CDON: variants seen among roughly 807,000 people sequenced by gnomAD.
The protein encoded by CDON is cell adhesion associated, oncogene regulated, also known as cell adhesion molecule-related/down-regulated by oncogenes.
CDON carries 73 observed loss-of-function variants against 120.9 expected under a neutral mutation model. That is an observed-to-expected ratio of 0.60 (90% CI 0.50 to 0.73). The LOEUF is 0.73. Ranked by LOEUF, CDON falls within the 30% of genes least tolerant of loss-of-function variation. The probability of loss-of-function intolerance (pLI) is 0.00; values close to 1 mark genes in which losing one functional copy is unlikely to be tolerated. For synonymous variants in CDON, 566 were observed against 573.5 expected (o/e 0.99, Z 0.19); for missense variants, 1,470 against 1,587.3 (o/e 0.93, Z 1.26).
chr11:126,005,608 C>T, intron 9 of CDON, 151 bp downstream of exon 9: 1 of 735,394 alleles, frequency 1.4e-6, no homozygotes, highest in South Asian at 1.7e-5. Flanking sequence ...TTGGTAAATC[C>T]AGCATGACTG....
intron 17 of CDON, among the ~76,000 whole-genome samples, chr11:125,979,160 G>T (rs1013625862): frequency 6.6e-6 from 1 of 152,210 alleles, no homozygotes; most frequent in Non-Finnish European, 1.5e-5. Flanking sequence ...GATAAAAGGT[G>T]GGAGAGGCTG....
chr11:126,045,124 C>G (rs1211559155), intron 1 of CDON, among the ~76,000 whole-genome samples: 1 of 152,174 alleles, frequency 6.6e-6, no homozygotes, highest in African/African-American at 2.4e-5. Flanking sequence ...CTCCAGGGTG[C>G]AAGCGATTCT....
At chr11:125,970,172 G>GTTTTTT (rs36021097) in intron 18 of CDON, among the ~76,000 whole-genome samples, 23 of 103,156 alleles carry the variant, frequency 2.2e-4, no homozygotes, top group African/African-American at 2.9e-4. Context: ...GGTAGTTTAT[G>GTTTTTT]TTTTTTTTTT....
intron 16 of CDON, 142 bp from the exon 17 acceptor site, chr11:125,981,471 T>C: frequency 1.2e-6 from 1 of 862,472 alleles, no homozygotes. Context: ...GACAATCTTC[T>C]TGCTGAGAAG....
intron 12 of CDON, among the ~76,000 whole-genome samples, chr11:125,996,591 T>C (rs1946790517): frequency 6.7e-6 from 1 of 149,136 alleles, no homozygotes; most frequent in Non-Finnish European, 1.5e-5. Context: ...TCCCAGCTAC[T>C]CGGGAGGCTG....
chr11:125,963,231 G>T (rs777399341), intron 18 of CDON, among the ~76,000 whole-genome samples: 83 of 152,028 alleles, frequency 5.5e-4, no homozygotes, highest in Non-Finnish European at 1.2e-3. Flanking sequence ...AAATTATCCA[G>T]ATTTTATCAT....
In CDON at chr11:125,960,563, C is replaced by T. The variant is rs557782002; in HGVS notation, c.*379G>A. 51 of 234,550 alleles carry T rather than the reference C, an allele frequency of 2.2e-4. No individual in the cohort carries two copies. In the South Asian group the frequency reaches 2.7e-3, roughly 12 times the overall value. The allele number at this position is 234,550 out of a possible 1,614,324, so 14.5% of individuals were successfully genotyped here. On this transcript the variant is annotated 3_prime_UTR_variant, in exon 20 of 20. Coordinates refer to ENST00000531738, the MANE Select transcript of CDON (RefSeq NM_001378964.1). ...TTCCACCTGAAAACCCAGCTGGTGGCAACCTTCAACGGGCCCCTGCATTCC... is the reference window on the plus strand; with the variant it reads ...TTCCACCTGAAAACCCAGCTGGTGGTAACCTTCAACGGGCCCCTGCATTCC...
chr11:125,987,952 A>G (rs193030709), intron 15 of CDON, among the ~76,000 whole-genome samples: 1 of 152,360 alleles, frequency 6.6e-6, no homozygotes, highest in Admixed American at 6.5e-5. Flanking sequence ...TTATCATTCA[A>G]TCTTTTGGAG....
chr11:126,053,137 A>G (rs1176985766), intron 1 of CDON, among the ~76,000 whole-genome samples: 1 of 152,226 alleles, frequency 6.6e-6, no homozygotes, highest in Admixed American at 6.5e-5. Context: ...ACTGTAGAAG[A>G]AAACCTGCCA....
chr11:126,059,528 T>TGC (rs1470900163), intron 1 of CDON, among the ~76,000 whole-genome samples: 7 of 116,664 alleles, frequency 6.0e-5, no homozygotes, highest in Non-Finnish European at 6.8e-5. Flanking sequence ...CCACTCCCTC[T>TGC]GCACACACAC....
At position 126,005,739 on chromosome 11, in the gene CDON, G is replaced by A. The variant is rs2134598584; in HGVS notation, c.1851+20C>T. On this transcript the variant is annotated intron_variant, in intron 9 of 19. Coordinates refer to ENST00000531738, the MANE Select transcript of CDON (RefSeq NM_001378964.1). ...CGTTCAGGTGTGAGCCGAGAAAGAT[G>A]ATAAACGACAAGACATTACCTTTCG... 9 of 1,609,926 alleles carry A rather than the reference G, an allele frequency of 5.6e-6. No individual in the cohort carries two copies. The highest frequency in any genetic ancestry group is 7.6e-6 in the Non-Finnish European group (9 of 1,177,762).
intron 1 of CDON, among the ~76,000 whole-genome samples, chr11:126,025,252 G>C (rs764776428): frequency 4.6e-5 from 7 of 152,070 alleles, no homozygotes; most frequent in Non-Finnish European, 8.8e-5. Flanking sequence ...AATATTTCTA[G>C]AAGAAGAGTG....
intron 1 of CDON, among the ~76,000 whole-genome samples, chr11:126,054,720 T>A (rs557409098): frequency 2.0e-5 from 3 of 152,292 alleles, no homozygotes; most frequent in Admixed American, 2.0e-4. Context: ...ACACACTCGC[T>A]CACCCAGAAA....
At position 125,957,546 on chromosome 11, in the gene CDON, A is replaced by C. The variant is rs1945519018; in HGVS notation, c.*3396T>G. ...TAAAATATGTACAGTTTCACACACA[A>C]TATTACAACTTTAAGGAAAATAAAA... is the stretch of plus-strand genomic sequence containing the variant. On this transcript the variant is annotated 3_prime_UTR_variant, in exon 20 of 20. Coordinates refer to ENST00000531738, the MANE Select transcript of CDON (RefSeq NM_001378964.1). 6.6e-6 allele frequency: 1 copy of C among 152,252 alleles called. No homozygotes were observed. The allele number at this position is 152,252 out of a possible 1,614,324, so 9.4% of individuals were successfully genotyped here.
At chr11:125,988,731 C>T (rs917722510) in intron 15 of CDON, among the ~76,000 whole-genome samples, 4 of 152,290 alleles carry the variant, frequency 2.6e-5, no homozygotes, top group Middle Eastern at 3.4e-3. Flanking sequence ...TTCTTAAAGA[C>T]GGCAACATTT....
At chr11:125,989,146 C>T (rs1309202134) in intron 15 of CDON, among the ~76,000 whole-genome samples, 6 of 152,150 alleles carry the variant, frequency 3.9e-5, no homozygotes, top group South Asian at 2.1e-4. Flanking sequence ...ATTTTTTAAA[C>T]AAGCATTCTA....
chr11:125,993,421 ACAC>A (rs1946688471), intron 14 of CDON, among the ~76,000 whole-genome samples: 1 of 137,586 alleles, frequency 7.3e-6, no homozygotes, highest in Non-Finnish European at 1.6e-5. Context: ...ACACACACAC[ACAC>A]AACCACGTGC....
intron 9 of CDON, 105 bp downstream of exon 9, chr11:126,005,654 C>A: frequency 9.3e-7 from 1 of 1,072,588 alleles, no homozygotes; most frequent in Admixed American, 1.7e-5. Context: ...CTGGAAGACT[C>A]TTGTTCTGTT....
intron 11 of CDON, among the ~76,000 whole-genome samples, chr11:125,998,932 C>G (rs1258141765): frequency 6.6e-6 from 1 of 152,260 alleles, no homozygotes. Context: ...CTAGCCCATG[C>G]CATGCTCCTC....
Sources: allele counts gnomAD v4.1 joint callset (sites outside exome capture counted in the v4.1 genomes callset), GRCh38; gene constraint gnomAD v4.1.1; transcripts MANE v1.5; gene names NCBI Gene and HGNC (gene_info 2026-07-23, HGNC 2026-07-21).